CTTNBP2: variants seen among roughly 807,000 people sequenced by gnomAD.
CTTNBP2 encodes the protein cortactin-binding protein 2.
Under a neutral mutation model 156.9 loss-of-function variants are expected in CTTNBP2, and 108 were observed. That is an observed-to-expected ratio of 0.69 (90% confidence interval 0.59 to 0.81). CTTNBP2 has a LOEUF of 0.81. CTTNBP2 is among the 30% of genes least tolerant of loss of function. The pLI is 0.00. For missense variants in CTTNBP2, 1,924 were observed against 2,035.4 expected (o/e 0.95, Z 1.05); for synonymous variants, 767 against 751.8 (o/e 1.02, Z -0.33).
chr7:117,732,558 G>A (rs1172257637), intron 16 of CTTNBP2, among the ~76,000 whole-genome samples: 1 of 150,510 alleles, frequency 6.6e-6, no homozygotes, highest in Non-Finnish European at 1.5e-5. Flanking sequence ...GCTGAGGCAG[G>A]AGAATGGTGT....
At chr7:117,736,503 A>G (rs1266506930) in intron 14 of CTTNBP2, among the ~76,000 whole-genome samples, 1 of 152,096 alleles carries the variant, frequency 6.6e-6, no homozygotes, top group Non-Finnish European at 1.5e-5. Context: ...CATTTTCCAG[A>G]TCTCAGAGAG....
intron 3 of CTTNBP2, among the ~76,000 whole-genome samples, chr7:117,804,261 C>G (rs111588741): frequency 1.1e-4 from 17 of 152,290 alleles, no homozygotes; most frequent in African/African-American, 4.1e-4. Context: ...CTGCACCCAA[C>G]CAAGCCTGGC....
intron 3 of CTTNBP2, among the ~76,000 whole-genome samples, chr7:117,796,505 T>C (rs1007112827): frequency 1.6e-4 from 24 of 152,222 alleles, no homozygotes; most frequent in African/African-American, 5.5e-4. Flanking sequence ...ATAAGAGATG[T>C]AGTACTAAAT....
At chr7:117,784,498 A>T (rs770521676) in intron 4 of CTTNBP2, 44 bp from the exon 5 acceptor site, 2 of 1,408,986 alleles carry the variant, frequency 1.4e-6, no homozygotes, top group South Asian at 2.8e-5. Context: ...GAGCAAGGAC[A>T]AGAGACAGAT....
chr7:117,762,399 C>A (rs1797259615), intron 9 of CTTNBP2, among the ~76,000 whole-genome samples: 1 of 152,162 alleles, frequency 6.6e-6, no homozygotes, highest in Admixed American at 6.5e-5. Flanking sequence ...CTCCATCGTG[C>A]CAGTTGGTCA....
intron 6 of CTTNBP2, among the ~76,000 whole-genome samples, chr7:117,781,344 C>T (rs1478494027): frequency 6.6e-6 from 1 of 152,218 alleles, no homozygotes; most frequent in Admixed American, 6.5e-5. Flanking sequence ...TTTATTTTCA[C>T]TCCAATGAAT....
In CTTNBP2 at chr7:117,728,243, A is replaced by G. The variant is rs1795210300; in HGVS notation, c.3901T>C (p.Cys1301Arg). 1.9e-6 allele frequency: 3 copies of G among 1,613,852 alleles called. No individual in the cohort carries two copies. The highest frequency in any genetic ancestry group is 2.5e-6 in the Non-Finnish European group (3 of 1,179,852). ...NKFKGQAPSP[C>R]DPVCKIVDWA... ...TCGACAATCTTGCACACAGGATCGC[A>G]GGGGGAGGGCGCCTGACCTTTGAAC... The change falls in exon 17 of 23, where the codon TGC becomes CGC. Residue 1301 changes from cysteine (C) to arginine (R), a missense_variant. Transcript: ENST00000160373.
intron 3 of CTTNBP2, among the ~76,000 whole-genome samples, chr7:117,798,885 C>T (rs1799463830): frequency 1.3e-5 from 2 of 151,882 alleles, no homozygotes; most frequent in South Asian, 2.1e-4. Context: ...GGGGATATCA[C>T]TACAGATTAA....
At chr7:117,838,711 T>C (rs1278727491) in intron 2 of CTTNBP2, among the ~76,000 whole-genome samples, 1 of 152,052 alleles carries the variant, frequency 6.6e-6, no homozygotes, top group Non-Finnish European at 1.5e-5. Context: ...AAGTCATATA[T>C]CACCTTTGAT....
At chr7:117,757,586 C>T (rs530073072) in intron 11 of CTTNBP2, among the ~76,000 whole-genome samples, 1 of 149,332 alleles carries the variant, frequency 6.7e-6, no homozygotes. Context: ...CTGTCACTCT[C>T]TTATCAGCAT....
chr7:117,813,864 A>C (rs931798326), intron 2 of CTTNBP2, among the ~76,000 whole-genome samples: 8 of 152,218 alleles, frequency 5.3e-5, no homozygotes, highest in African/African-American at 1.7e-4. Flanking sequence ...CAAAAACTAC[A>C]TTATTTTATA....
At chr7:117,716,979 T>C (rs2116343955) in intron 22 of CTTNBP2, among the ~76,000 whole-genome samples, 1 of 152,336 alleles carries the variant, frequency 6.6e-6, no homozygotes, top group South Asian at 2.1e-4. Flanking sequence ...CACACAGGTC[T>C]TTGCCGTTCT....
At chr7:117,744,044 A>G (rs1298360655) in intron 14 of CTTNBP2, among the ~76,000 whole-genome samples, 1 of 152,088 alleles carries the variant, frequency 6.6e-6, no homozygotes, top group Non-Finnish European at 1.5e-5. Flanking sequence ...GTGGCTACAT[A>G]GTAGGTGTAT....
At position 117,768,580 on chromosome 7, in the gene CTTNBP2, A is replaced by AG. The variant is rs1464438286; in HGVS notation, c.2779-1405_2779-1404insC. ...GACTCTGTCTCAAAAAAAAAAAAAAAAAAAGAAAGAAAGAAAGAAAGAAAT... is the reference window on the plus strand; with the variant it reads ...GACTCTGTCTCAAAAAAAAAAAAAAAGAAAAGAAAGAAAGAAAGAAAGAAAT... On this transcript the variant is annotated intron_variant, in intron 8 of 22. Coordinates refer to ENST00000160373, the MANE Select transcript of CTTNBP2 (RefSeq NM_033427.3). Among the ~76,000 whole-genome samples the AG allele has an allele frequency of 4.0e-3, 553 of 139,864 alleles. 3 individuals are homozygous for AG. Among genetic ancestry groups the AG allele is most frequent in the African/African-American group, 0.012 (473 of 38,196 alleles). The allele number at this position is 139,864 out of a possible 152,430, so 91.8% of individuals were successfully genotyped here.
intron 2 of CTTNBP2, among the ~76,000 whole-genome samples, chr7:117,831,526 T>G (rs965748729): frequency 1.3e-5 from 2 of 152,250 alleles, no homozygotes; most frequent in East Asian, 3.9e-4. Context: ...AGCCATTATT[T>G]CTCAATACTG....
At chr7:117,751,150 A>T (rs1796599950) in intron 12 of CTTNBP2, among the ~76,000 whole-genome samples, 1 of 152,084 alleles carries the variant, frequency 6.6e-6, no homozygotes, top group African/African-American at 2.4e-5. Context: ...ATGCATCTCT[A>T]TTTTTTTCCT....
rs535489204 is a variant in CTTNBP2 at position 117,758,030 on chromosome 7, G to A, written c.3173-60C>T. On this transcript the variant is annotated intron_variant, in intron 10 of 22. Coordinates refer to ENST00000160373, the MANE Select transcript of CTTNBP2 (RefSeq NM_033427.3). The stretch of plus-strand genomic sequence containing the variant: ...AGCTTATGAGTGGTTTTTCTCACAA[G>A]GGTAAACATATGCTCTCTTCTGTGA... 4.8e-6 allele frequency: 6 copies of A among 1,238,228 alleles called. No homozygotes were observed. The South Asian group carries it at 5.2e-5, about 11-fold the overall frequency. 76.7% of individuals were successfully genotyped at this position (1,238,228 alleles called of 1,614,324 possible). A position where few individuals can be genotyped will look rare whatever the true frequency, so the allele number is the denominator to read the frequency against.
At chr7:117,872,626 G>A (rs185256819) in intron 1 of CTTNBP2, among the ~76,000 whole-genome samples, 2 of 152,308 alleles carry the variant, frequency 1.3e-5, no homozygotes, top group African/African-American at 2.4e-5. Flanking sequence ...GGAGAACAAT[G>A]TCTTGAAACC....
At chr7:117,864,113 C>T (rs772294666) in intron 1 of CTTNBP2, among the ~76,000 whole-genome samples, 24 of 152,260 alleles carry the variant, frequency 1.6e-4, no homozygotes, top group Non-Finnish European at 3.2e-4. Flanking sequence ...AGAGCCTGCC[C>T]TGCTTCCATC....
Sources: gnomAD v4.1 joint callset for allele counts (sites outside exome capture counted in the v4.1 genomes callset) on GRCh38, gnomAD v4.1.1 for gene constraint, MANE v1.5 for transcripts, NCBI Gene and HGNC (gene_info 2026-07-23, HGNC 2026-07-21) for gene names.